Variants in GPKOW observed in about 807,000 individuals in gnomAD.
GPKOW encodes the protein G-patch domain and KOW motifs-containing protein.
For synonymous variants in GPKOW, 167 were observed against 159.1 expected (o/e 1.05, Z -0.37); for missense variants, 359 against 404.7 (o/e 0.89, Z 0.97).
intron 9 of GPKOW, among the ~76,000 whole-genome samples, chrX:49,114,272 T>G (rs2065182739): frequency 9.0e-6 from 1 of 110,524 alleles, no homozygotes; most frequent in Non-Finnish European, 1.9e-5. Context: ...CCTGAGTAGC[T>G]GGGATTACAG....
At chrX:49,123,491 C>T (rs1486511795) in intron 1 of GPKOW, 56 bp downstream of exon 1, 1 of 1,084,448 alleles carries the variant, frequency 9.2e-7, no homozygotes, top group Non-Finnish European at 1.2e-6. Flanking sequence ...AGATTCCTCC[C>T]TCCCGCTTAC....
rs1435497111 is a variant in GPKOW, at chrX:49,113,589, A to T, written c.*32T>A. 1.7e-6 allele frequency: 2 copies of T among 1,193,715 alleles called. No individual in the cohort carries two copies. The highest frequency in any genetic ancestry group is 2.3e-6 in the Non-Finnish European group (2 of 880,890). ...CTTTCTCATATGGTACAGAACTGGT[A>T]CCAGCCTGGGGGATGGGAGGAGTCC... On this transcript the variant is annotated 3_prime_UTR_variant, in exon 11 of 11. Coordinates refer to ENST00000156109, the MANE Select transcript of GPKOW (RefSeq NM_015698.6).
Position 49,123,552 on chromosome X carries a change from C to A in GPKOW, c.171G>T (p.Leu57=). The A allele has an allele frequency of 8.3e-7, 1 of 1,204,845 alleles. No individual in the cohort carries two copies. The highest frequency in any genetic ancestry group is 1.1e-6 in the Non-Finnish European group (1 of 891,936). The change falls in exon 1 of 11, where the codon CTG becomes CTT. Residue 57 remains leucine, a synonymous_variant. Coordinates refer to ENST00000156109, the MANE Select transcript of GPKOW (RefSeq NM_015698.6). ...TGAAAGACCCGGCGCGTCACCTCTGCAGCTCCCTCCCTTCCACGGTTTTCA... is the reference window on the plus strand; with the variant it reads ...TGAAAGACCCGGCGCGTCACCTCTGAAGCTCCCTCCCTTCCACGGTTTTCA... ...DFLKTVEGRE[L]QSVKPQEAPK...
At chrX:49,114,583 T>G (rs2065184024) in intron 9 of GPKOW, among the ~76,000 whole-genome samples, 1 of 75,327 alleles carries the variant, frequency 1.3e-5, no homozygotes, top group Non-Finnish European at 2.4e-5. Flanking sequence ...CCAGCATAGG[T>G]GATAAAATGA....
At chrX:49,121,717 T>C (rs1557091061) in intron 3 of GPKOW, among the ~76,000 whole-genome samples, 1 of 110,972 alleles carries the variant, frequency 9.0e-6, no homozygotes, top group African/African-American at 3.3e-5. Flanking sequence ...GCCTCACTGA[T>C]GGACACACCA....
At chrX:49,117,306 G>A (rs988452901) in intron 5 of GPKOW, 144 bp from the exon 6 acceptor site, 1 of 597,731 alleles carries the variant, frequency 1.7e-6, no homozygotes, top group Non-Finnish European at 2.6e-6. Context: ...GTGGGACCAG[G>A]TCTGGTTCCT....
rs781903751 is a variant in GPKOW, at chrX:49,122,700, G to A, written c.253C>T (p.Arg85Trp). Reference sequence around the variant, plus strand: ...GTATCTGTGGATGGCCCAGGGGGCCGGGCTGGTGGCTGCCTGCGATGGCCA... The same window carrying A: ...GTATCTGTGGATGGCCCAGGGGGCCAGGCTGGTGGCTGCCTGCGATGGCCA... Reference protein sequence around the residue: ...QNGHRRQPPARPPGPSTDTGA... With the variant: ...QNGHRRQPPAWPPGPSTDTGA... The change falls in exon 2 of 11, where the codon CGG (arginine) becomes TGG (tryptophan). Residue 85 changes from arginine to tryptophan, a missense_variant. Arg to Trp is a moderately radical substitution (Grantham distance 101, BLOSUM62 -3). Transcript: ENST00000156109. 5.0e-6 allele frequency: 6 copies of A among 1,208,164 alleles called. No homozygotes were observed. The highest frequency in any genetic ancestry group is 3.0e-5 in the East Asian group (1 of 33,761).
Position 49,117,104 on chromosome X carries a change from C to T in GPKOW, c.839G>A (p.Arg280Gln), listed in dbSNP as rs782578183. The T allele has an allele frequency of 3.3e-5, 40 of 1,206,735 alleles. No homozygotes were observed. Among genetic ancestry groups the T allele is most frequent in the Non-Finnish European group, 4.4e-5 (39 of 892,416 alleles). ...GTAGTACTCACTAACAGTCACCACC[C>T]GGCTCCCCACAGCCAGACGAACCAT... Reference protein sequence around the residue: ...RAMVRLAVGSRVVTVSEYYLR... With the variant: ...RAMVRLAVGSQVVTVSEYYLR... Residue 280 changes from arginine to glutamine, a missense_variant, in exon 6 of 11, where the codon CGG becomes CAG. Transcript: ENST00000156109.
intron 3 of GPKOW, 107 bp downstream of exon 3, chrX:49,122,286 GGTGGC>G: frequency 2.6e-5 from 15 of 585,825 alleles, no homozygotes; most frequent in Non-Finnish European, 3.8e-5. Flanking sequence ...AGAAGGGGCA[GGTGGC>G]GGGCCTCTAG....
In GPKOW at chrX:49,117,943, G is replaced by A. The variant is rs1001347209; in HGVS notation, c.567-133C>T. 1.7e-5 allele frequency: 7 copies of A among 404,470 alleles called. No individual in the cohort carries two copies. In the Admixed American group the frequency reaches 2.7e-4, roughly 16 times the overall value. The allele number at this position is 404,470 out of a possible 1,213,427, so 33.3% of individuals were successfully genotyped here. ...TTTTCTTTTCTTTTTTTTTGGAGAT[G>A]GAGTTTTGCTCTTGTCATCCAGGCT... On this transcript the variant is annotated intron_variant, in intron 4 of 10. Transcript: ENST00000156109.
chrX:49,123,586 T>G lies in GPKOW; in HGVS notation c.137A>C (p.Lys46Thr). Residue 46 changes from lysine to threonine, a missense_variant, in exon 1 of 11, where the codon AAG (lysine) becomes ACG (threonine). Physicochemically the swap from Lys to Thr is moderately conservative, Grantham distance 78 (BLOSUM62 -1). Coordinates refer to ENST00000156109, the MANE Select transcript of GPKOW (RefSeq NM_015698.6). Reference protein sequence around the residue: ...GDGAGPSPEEKDFLKTVEGRE... With the variant: ...GDGAGPSPEETDFLKTVEGRE... ...CCCTTCCACGGTTTTCAAGAAATCC[T>G]TCTCCTCCGGAGATGGCCCCGCGCC... The G allele has an allele frequency of 8.3e-7, 1 of 1,207,918 alleles. No individual in the cohort carries two copies. The highest frequency in any genetic ancestry group is 2.3e-4 in the Middle Eastern group (1 of 4,345).
chrX:49,119,656 T>C (rs782416594), intron 4 of GPKOW, 49 bp downstream of exon 4: 8 of 781,226 alleles, frequency 1.0e-5, no homozygotes, highest in East Asian at 3.3e-5. Context: ...GGGATCTTGA[T>C]TGCAGCCTGA....
intron 9 of GPKOW, among the ~76,000 whole-genome samples, chrX:49,114,922 CAAAAAAAAAAAAAAAAA>C (rs1169588195): frequency 4.8e-4 from 22 of 45,566 alleles, no homozygotes; most frequent in African/African-American, 2.2e-3. Flanking sequence ...GACTCTGTTT[CAAAAAAAAAAAAAAAAA>C]AAAAAAAAAA....
rs1557091311 is a variant in GPKOW at position 49,122,739 on chromosome X, G to A, written c.214C>T (p.Pro72Ser). The A allele has an allele frequency of 1.7e-6, 2 of 1,210,579 alleles. No individual in the cohort carries two copies. The highest frequency in any genetic ancestry group is 2.2e-6 in the Non-Finnish European group (2 of 894,423). Residue 72 changes from proline to serine, a missense_variant, in exon 2 of 11, where the codon CCT (proline) becomes TCT (serine). Coordinates refer to ENST00000156109, the MANE Select transcript of GPKOW (RefSeq NM_015698.6). ...PQEAPKELVI[P>S]LIQNGHRRQP... ...CTGCGATGGCCATTCTGGATCAAAG[G>A]GATGACGAGTTCCTTGGGGGCCTCC... is the stretch of plus-strand genomic sequence containing the variant.
At position 49,117,658 on chromosome X, in the gene GPKOW, C is replaced by T. The variant is rs782453095; in HGVS notation, c.719G>A (p.Gly240Glu). The T allele has an allele frequency of 1.7e-6, 2 of 1,209,201 alleles. No individual in the cohort carries two copies. The highest frequency in any genetic ancestry group is 3.5e-5 in the African/African-American group (2 of 57,300). ...CACCACAGCTCCTCCAGGCACCAGC[C>T]CTTGAGGCTGATCTTCCTTATCTTT... ...QEKDKEDQPQ[G>E]LVPGGAVVVL... The change falls in exon 5 of 11, where the codon GGG becomes GAG. Residue 240 changes from glycine (G) to glutamate (E), a missense_variant. Transcript: ENST00000156109.
chrX:49,120,263 G>A (rs782313576), intron 3 of GPKOW, among the ~76,000 whole-genome samples: 2 of 112,050 alleles, frequency 1.8e-5, no homozygotes, highest in Non-Finnish European at 3.8e-5. Flanking sequence ...GAGCCATGAG[G>A]ATATGAGAAG....
At position 49,115,897 on chromosome X, in the gene GPKOW, G is replaced by A. The variant is rs2065191860; in HGVS notation, c.1134C>T (p.Asn378=). ...DNMYKGGQYY[N]TKMIIEDVLS... ...CAGGCTGCAGGGTTCCCACCTTGGT[G>A]TTGTAATATTGGCCTCCTTTGTACA... is the stretch of plus-strand genomic sequence containing the variant. Residue 378 remains asparagine (N), a synonymous_variant, in exon 8 of 11, where the codon AAC becomes AAT. Coordinates refer to ENST00000156109, the MANE Select transcript of GPKOW (RefSeq NM_015698.6). 1 of 1,209,401 alleles carries A rather than the reference G, an allele frequency of 8.3e-7. No homozygotes were observed. Among genetic ancestry groups the A allele is most frequent in the African/African-American group, 1.7e-5 (1 of 57,326 alleles).
At chrX:49,119,526 T>C (rs1166923925) in intron 4 of GPKOW, among the ~76,000 whole-genome samples, 179 bp downstream of exon 4, 1 of 112,014 alleles carries the variant, frequency 8.9e-6, no homozygotes, top group Non-Finnish European at 1.9e-5. Context: ...TGGGATTCTA[T>C]TAGAGTTTCA....
intron 6 of GPKOW, 101 bp downstream of exon 6, chrX:49,116,929 G>GC: frequency 1.5e-6 from 1 of 669,523 alleles, no homozygotes; most frequent in Non-Finnish European, 2.3e-6. Flanking sequence ...GCACACTGCT[G>GC]CCCCTCCCTG....
Sources: gnomAD v4.1 joint callset for allele counts (sites outside exome capture counted in the v4.1 genomes callset) on GRCh38, gnomAD v4.1.1 for gene constraint, MANE v1.5 for transcripts, NCBI Gene and HGNC (gene_info 2026-07-23, HGNC 2026-07-21) for gene names.